FHL2: variants seen among roughly 807,000 people sequenced by gnomAD.
The protein encoded by FHL2 is four and a half LIM domains protein 2.
In FHL2, 20 loss-of-function variants were observed where a neutral mutation model predicts 32.7. The ratio of observed to expected loss-of-function variants is 0.61; its 90% CI spans 0.43 to 0.89. The LOEUF is 0.89. FHL2 is among the 40% of genes least tolerant of loss of function. The pLI, the probability that FHL2 is intolerant of heterozygous loss-of-function variation, is 0.00. For synonymous variants in FHL2, 123 were observed against 128.1 expected (o/e 0.96, Z 0.27); for missense variants, 311 against 358.6 (o/e 0.87, Z 1.07).
Position 105,363,438 on chromosome 2 carries a change from G to C in FHL2, c.535C>G (p.Gln179Glu). Reference protein sequence around the residue: ...ITTGGVTYREQPWHKECFVCT... With the variant: ...ITTGGVTYREEPWHKECFVCT... ...ACGAAGCACTCCTTGTGCCAGGGCT[G>C]CTCCCGGTAAGTGACCCCTCCCGTG... The change falls in exon 6 of 7, where the codon CAG becomes GAG. Residue 179 changes from glutamine (Q) to glutamate (E), a missense_variant. By Grantham distance (29) the Gln-to-Glu change is conservative (BLOSUM62 2). Coordinates refer to ENST00000530340, the MANE Select transcript of FHL2 (RefSeq NM_001318895.3). The C allele has an allele frequency of 1.2e-6, 2 of 1,611,884 alleles. No individual in the cohort carries two copies. Among genetic ancestry groups the C allele is most frequent in the Non-Finnish European group, 8.5e-7 (1 of 1,179,046 alleles).
chr2:105,403,233 CAGA>C (rs1683526957), upstream of FHL2, among the ~76,000 whole-genome samples: 2 of 152,320 alleles, frequency 1.3e-5, no homozygotes, highest in Admixed American at 1.3e-4. Context: ...GAACTCCCAC[CAGA>C]AGAAGAATTA....
chr2:105,434,583 C>A (rs1202420714), intron 1 of FHL2, among the ~76,000 whole-genome samples: 1 of 150,786 alleles, frequency 6.6e-6, no homozygotes, highest in East Asian at 1.9e-4. Context: ...AAAAACAAAA[C>A]AAACAAACAA....
chr2:105,374,769 C>G (rs1681344986), intron 3 of FHL2, among the ~76,000 whole-genome samples: 1 of 152,302 alleles, frequency 6.6e-6, no homozygotes, highest in South Asian at 2.1e-4. Context: ...AAATAACAAT[C>G]TCTTTATGCC....
At chr2:105,437,094 C>A (rs1360600336) in intron 1 of FHL2, among the ~76,000 whole-genome samples, 1 of 152,170 alleles carries the variant, frequency 6.6e-6, no homozygotes, top group Admixed American at 6.5e-5. Context: ...AAGTACGAAA[C>A]CTGCTGAAAG....
intron 5 of FHL2, among the ~76,000 whole-genome samples, chr2:105,364,374 C>T (rs920119528): frequency 6.6e-6 from 1 of 152,210 alleles, no homozygotes; most frequent in Non-Finnish European, 1.5e-5. Flanking sequence ...TAAAGGACAG[C>T]CGGGACTAGC....
intron 1 of FHL2, among the ~76,000 whole-genome samples, chr2:105,431,738 T>C (rs1684439023): frequency 6.6e-6 from 1 of 152,254 alleles, no homozygotes; most frequent in African/African-American, 2.4e-5. Flanking sequence ...AAGTTACAAA[T>C]ATGATCGCAA....
At chr2:105,366,542 T>C (rs1420796751) in intron 5 of FHL2, among the ~76,000 whole-genome samples, 2 of 152,118 alleles carry the variant, frequency 1.3e-5, no homozygotes, top group Non-Finnish European at 2.9e-5. Flanking sequence ...ACAGAGACGC[T>C]GGAAGCTATA....
intron 3 of FHL2, among the ~76,000 whole-genome samples, chr2:105,384,754 C>T (rs896294900): frequency 2.0e-4 from 31 of 152,220 alleles, no homozygotes; most frequent in African/African-American, 7.0e-4. Context: ...TTGATTCACC[C>T]GCCTTGGCCT....
chr2:105,433,337 T>C (rs983273378), intron 1 of FHL2, among the ~76,000 whole-genome samples: 5 of 152,046 alleles, frequency 3.3e-5, no homozygotes, highest in Non-Finnish European at 5.9e-5. Context: ...CGCTCCACCA[T>C]GCCCAGCTAA....
At chr2:105,432,290 G>A (rs946686968) in intron 1 of FHL2, among the ~76,000 whole-genome samples, 1 of 152,188 alleles carries the variant, frequency 6.6e-6, no homozygotes, top group African/African-American at 2.4e-5. Context: ...CCTAAAAGGA[G>A]TTTGTCTCAT....
At chr2:105,436,478 A>G (rs2104690452) in intron 1 of FHL2, among the ~76,000 whole-genome samples, 1 of 152,320 alleles carries the variant, frequency 6.6e-6, no homozygotes, top group African/African-American at 2.4e-5. Flanking sequence ...CCAATTTTCA[A>G]GGAATTAGAT....
At chr2:105,397,914 G>C (rs1316706064) in intron 1 of FHL2, among the ~76,000 whole-genome samples, 1 of 148,746 alleles carries the variant, frequency 6.7e-6, no homozygotes, top group African/African-American at 2.5e-5. Context: ...AACATCTTCA[G>C]GATAGTGCAA....
rs115374539 is a variant in FHL2, at chr2:105,384,879, C to T, written c.156+1482G>A. ...AAGTAACTGACCCAAGGCCACACAG[C>T]AAGTGAGACACAGAGCCTGGGCTGG... On this transcript the variant is annotated intron_variant, in intron 3 of 6. Coordinates refer to ENST00000530340, the MANE Select transcript of FHL2 (RefSeq NM_001318895.3). 3.6e-4 allele frequency among the ~76,000 whole-genome samples: 55 copies of T among 152,272 alleles called. No homozygotes were observed. In the Middle Eastern group the frequency reaches 0.01, roughly 28 times the overall value.
intron 5 of FHL2, among the ~76,000 whole-genome samples, chr2:105,364,873 A>G (rs370328914): frequency 2.6e-5 from 4 of 152,226 alleles, no homozygotes; most frequent in East Asian, 3.8e-4. Context: ...CGAAGCAGGA[A>G]CTAGAATTCT....
At chr2:105,425,854 G>A (rs1195072615) in intron 1 of FHL2, among the ~76,000 whole-genome samples, 1 of 152,122 alleles carries the variant, frequency 6.6e-6, no homozygotes, top group Non-Finnish European at 1.5e-5. Context: ...CCTTTTTGCT[G>A]AAATAATGAA....
intron 2 of FHL2, among the ~76,000 whole-genome samples, chr2:105,393,680 C>T (rs1038907672): frequency 1.1e-4 from 16 of 152,080 alleles, no homozygotes; most frequent in Non-Finnish European, 2.9e-5. Context: ...ACAAACATGT[C>T]AGAGTACAAA....
chr2:105,363,242 A>G (rs1680397696), intron 6 of FHL2, 43 bp downstream of exon 6: 1 of 1,600,428 alleles, frequency 6.2e-7, no homozygotes, highest in Non-Finnish European at 8.5e-7. Flanking sequence ...GCCTTGTTCA[A>G]GCTTCCAATC....
chr2:105,428,807 T>C (rs1180706747), intron 1 of FHL2, among the ~76,000 whole-genome samples: 2 of 152,236 alleles, frequency 1.3e-5, no homozygotes, highest in African/African-American at 4.8e-5. Flanking sequence ...GGGATCCTGC[T>C]TCCAGGTCTG....
upstream of FHL2, among the ~76,000 whole-genome samples, chr2:105,402,675 T>C (rs1394589382): frequency 6.6e-6 from 1 of 152,212 alleles, no homozygotes; most frequent in Non-Finnish European, 1.5e-5. Flanking sequence ...GAATGCAATT[T>C]CTGGGTTTAA....
Sources: gnomAD v4.1 joint callset for allele counts (sites outside exome capture counted in the v4.1 genomes callset) on GRCh38, gnomAD v4.1.1 for gene constraint, MANE v1.5 for transcripts, NCBI Gene and HGNC (gene_info 2026-07-23, HGNC 2026-07-21) for gene names.